KALRN: variants seen among roughly 807,000 people sequenced by gnomAD.
KALRN encodes kalirin RhoGEF kinase, also known as kalirin.
A neutral mutation model predicts 353.7 loss-of-function variants in KALRN; 70 were observed. The ratio of observed to expected loss-of-function variants is 0.20; its 90% CI spans 0.16 to 0.24. KALRN has a LOEUF of 0.24. Among genes scored for constraint, KALRN ranks in the 10% least tolerant of loss-of-function variants. KALRN has a pLI of 1.00. For synonymous variants in KALRN, 1,391 were observed against 1,434.8 expected (o/e 0.97, Z 0.69); for missense variants, 2,791 against 3,756.7 (o/e 0.74, Z 6.72).
At chr3:124,420,544 G>T (rs2092730566) in intron 14 of KALRN, among the ~76,000 whole-genome samples, 1 of 152,170 alleles carries the variant, frequency 6.6e-6, no homozygotes, top group Admixed American at 6.5e-5. Context: ...TCAAGGAGGT[G>T]CTCTACCTCA....
intron 1 of KALRN, 128 bp from the exon 2 acceptor site, chr3:124,227,862 G>T (rs190453558): frequency 3.3e-5 from 25 of 767,244 alleles, no homozygotes; most frequent in Non-Finnish European, 5.5e-5. Flanking sequence ...CCATCGGGCT[G>T]GGCTGTAGGA....
At chr3:124,675,111 C>G (rs1332100746) in intron 49 of KALRN, 3 of 152,010 alleles carry the variant, frequency 2.0e-5, no homozygotes, top group Non-Finnish European at 4.4e-5. Context: ...AGGGAGGGAA[C>G]TTTTTGGTTG....
At chr3:124,057,002 T>C (rs2041610474) in intron 1 of KALRN, among the ~76,000 whole-genome samples, 1 of 152,252 alleles carries the variant, frequency 6.6e-6, no homozygotes, top group Non-Finnish European at 1.5e-5. Context: ...TTCTTTAAAT[T>C]GGATATTTGG....
At chr3:124,258,527 C>G (rs2072369157) in intron 3 of KALRN, among the ~76,000 whole-genome samples, 1 of 152,156 alleles carries the variant, frequency 6.6e-6, no homozygotes, top group Non-Finnish European at 1.5e-5. Flanking sequence ...CACTGATATT[C>G]CTGTCAATTC....
At chr3:124,093,880 G>C (rs768369949) in intron 1 of KALRN, among the ~76,000 whole-genome samples, 1 of 152,144 alleles carries the variant, frequency 6.6e-6, no homozygotes. Context: ...GGTGGAGAGT[G>C]GGGAGAGCAT....
At chr3:124,710,821 C>G (rs1227970784) in intron 57 of KALRN, among the ~76,000 whole-genome samples, 4 of 152,176 alleles carry the variant, frequency 2.6e-5, no homozygotes, top group Non-Finnish European at 5.9e-5. Flanking sequence ...TTTTAAATAA[C>G]AAACCTGTAA....
chr3:124,311,715 TG>T, intron 6 of KALRN, among the ~76,000 whole-genome samples: 1 of 152,304 alleles, frequency 6.6e-6, no homozygotes, highest in Non-Finnish European at 1.5e-5. Flanking sequence ...AGCAACATTA[TG>T]TATAATAATC....
intron 1 of KALRN, among the ~76,000 whole-genome samples, chr3:124,111,158 T>C (rs563883753): frequency 1.3e-5 from 2 of 152,332 alleles, no homozygotes; most frequent in African/African-American, 4.8e-5. Flanking sequence ...AGCCTGCCAC[T>C]ACAAGAAAAG....
chr3:124,219,869 C>CCT (rs746481496), intron 1 of KALRN, among the ~76,000 whole-genome samples: 39 of 146,614 alleles, frequency 2.7e-4, no homozygotes, highest in Middle Eastern at 7.0e-3. Context: ...AGCTGCCCAG[C>CCT]CTCTCTCTCT....
At chr3:124,225,251 T>C (rs28433567) in intron 1 of KALRN, among the ~76,000 whole-genome samples, 8,724 of 152,286 alleles carry the variant, frequency 0.057, 266 homozygotes, top group Middle Eastern at 0.092. Flanking sequence ...ATAATACATA[T>C]ATTGTTCAAA....
chr3:124,262,517 A>G (rs890458205), intron 3 of KALRN, among the ~76,000 whole-genome samples: 6 of 152,350 alleles, frequency 3.9e-5, no homozygotes, highest in Middle Eastern at 3.4e-3. Context: ...CATTGTTTCA[A>G]TAAGTGTCAG....
chr3:124,371,125 G>C (rs916943537), intron 10 of KALRN, among the ~76,000 whole-genome samples: 1 of 152,156 alleles, frequency 6.6e-6, no homozygotes, highest in Non-Finnish European at 1.5e-5. Context: ...TCTGATTGGG[G>C]CTGTTTGAAA....
At chr3:124,240,320 G>GCT in intron 3 of KALRN, among the ~76,000 whole-genome samples, 1 of 152,326 alleles carries the variant, frequency 6.6e-6, no homozygotes, top group Middle Eastern at 3.4e-3. Context: ...CCTTTCTGCA[G>GCT]CTGGGAAACA....
chr3:124,538,076 T>C lies in KALRN; in HGVS notation c.4936-24767T>C, dbSNP rs569394578. ...TCACATTTTTGACAAAAGTAAAATGTATTAGATTAAATAACATTTTGGCTT... is the reference window on the plus strand; with the variant it reads ...TCACATTTTTGACAAAAGTAAAATGCATTAGATTAAATAACATTTTGGCTT... On this transcript the variant is annotated intron_variant, in intron 33 of 59. Transcript: ENST00000682506. Among the ~76,000 whole-genome samples the C allele has an allele frequency of 3.9e-5, 6 of 152,252 alleles. No homozygotes were observed. In the South Asian group the frequency reaches 1.0e-3, roughly 26 times the overall value.
At chr3:124,251,433 C>T (rs1237221415) in intron 3 of KALRN, among the ~76,000 whole-genome samples, 2 of 145,576 alleles carry the variant, frequency 1.4e-5, no homozygotes, top group Non-Finnish European at 3.0e-5. Flanking sequence ...TGCAGTAGTG[C>T]AATTTGGCTT....
At chr3:124,580,647 A>C (rs1330361331) in intron 34 of KALRN, among the ~76,000 whole-genome samples, 1 of 152,220 alleles carries the variant, frequency 6.6e-6, no homozygotes, top group East Asian at 1.9e-4. Context: ...TCTCACATTC[A>C]TGATGAGTCT....
chr3:124,424,132 C>T (rs2092909769), intron 15 of KALRN, among the ~76,000 whole-genome samples: 1 of 152,182 alleles, frequency 6.6e-6, no homozygotes, highest in Non-Finnish European at 1.5e-5. Context: ...GGAGAGAACA[C>T]ACCACCACTC....
chr3:124,593,719 A>T (rs887614591), intron 34 of KALRN, among the ~76,000 whole-genome samples: 2 of 152,242 alleles, frequency 1.3e-5, no homozygotes, highest in African/African-American at 4.8e-5. Flanking sequence ...CAGGGGTGTC[A>T]GGGAATAGGA....
In KALRN at chr3:124,033,633, T is replaced by C. The variant is rs1007824921; in HGVS notation, c.-108T>C. Among the ~76,000 whole-genome samples, 4 of 151,450 alleles carry C rather than the reference T, an allele frequency of 2.6e-5. No individual in the cohort carries two copies. The highest frequency in any genetic ancestry group is 5.9e-5 in the Non-Finnish European group (4 of 67,788). Reference sequence around the variant, plus strand: ...CTCGAAGCTCCGCGGCCGCCAGCTCTGCGGCCGCAGCAGCTGCGCCCCGCG... The same window carrying C: ...CTCGAAGCTCCGCGGCCGCCAGCTCCGCGGCCGCAGCAGCTGCGCCCCGCG... On this transcript the variant is annotated 5_prime_UTR_variant, in exon 1 of 60. Coordinates refer to ENST00000682506, the MANE Select transcript of KALRN (RefSeq NM_001388419.1). The surrounding 1 kb of genome is among the most constrained non-coding windows in gnomAD (Gnocchi z 6.2).
Sources: allele counts gnomAD v4.1 joint callset (sites outside exome capture counted in the v4.1 genomes callset), GRCh38; gene constraint gnomAD v4.1.1; non-coding constraint Gnocchi (gnomAD v3.1); transcripts MANE v1.5; gene names NCBI Gene and HGNC (gene_info 2026-07-23, HGNC 2026-07-21).